PKN2: variants seen among roughly 807,000 people sequenced by gnomAD.
PKN2 encodes serine/threonine-protein kinase N2.
PKN2 carries 38 observed loss-of-function variants against 119.1 expected under a neutral mutation model. The observed-to-expected ratio is 0.32, with a 90% CI of 0.25 to 0.42. The LOEUF is 0.42. PKN2 is among the 10% of genes least tolerant of loss of function. The pLI is 1.00. For synonymous variants in PKN2, 390 were observed against 384.9 expected, an observed-to-expected ratio of 1.01 and a Z score of -0.15; for missense variants, 850 against 1,165.1, an observed-to-expected ratio of 0.73 and a Z score of 3.94.
intron 1 of PKN2, among the ~76,000 whole-genome samples, chr1:88,700,301 C>T (rs1325980118): frequency 6.6e-6 from 1 of 152,020 alleles, no homozygotes; most frequent in East Asian, 1.9e-4. Context: ...ATATTTCTGC[C>T]TCTAGGTCTT....
intron 1 of PKN2, among the ~76,000 whole-genome samples, chr1:88,685,562 A>G (rs938554260): frequency 3.3e-5 from 5 of 152,292 alleles, no homozygotes; most frequent in African/African-American, 4.8e-5. Flanking sequence ...TTAGATCTCT[A>G]TGGTGTACAT....
At chr1:88,794,936 CTA>C (rs1671001714) in intron 8 of PKN2, among the ~76,000 whole-genome samples, 1 of 152,216 alleles carries the variant, frequency 6.6e-6, no homozygotes, top group African/African-American at 2.4e-5. Flanking sequence ...CTTCTCTACT[CTA>C]TATCCTGAAT....
chr1:88,740,477 T>G (rs899944232), intron 1 of PKN2, among the ~76,000 whole-genome samples: 2 of 152,146 alleles, frequency 1.3e-5, no homozygotes, highest in African/African-American at 2.4e-5. Context: ...CTATAGAATT[T>G]AATAATACTT....
At chr1:88,721,121 TTC>T (rs1270988299) in intron 1 of PKN2, among the ~76,000 whole-genome samples, 1 of 152,136 alleles carries the variant, frequency 6.6e-6, no homozygotes, top group Non-Finnish European at 1.5e-5. Context: ...GACTTTTTTT[TTC>T]GTCTGGGTAG....
intron 1 of PKN2, among the ~76,000 whole-genome samples, chr1:88,711,999 A>T (rs1335900276): frequency 6.8e-6 from 1 of 146,808 alleles, no homozygotes; most frequent in Non-Finnish European, 1.5e-5. Flanking sequence ...ATTATTTTTA[A>T]CTTACTTTTT....
chr1:88,720,816 A>G lies in PKN2; in HGVS notation c.49-20172A>G, dbSNP rs1386387947. On this transcript the variant is annotated intron_variant, in intron 1 of 21. Coordinates refer to ENST00000370521, the MANE Select transcript of PKN2 (RefSeq NM_006256.4). ...CTCTGGTGTTCCCAAAGTCCATTGT[A>G]TCATTCTTACGCCTTTGCATCTCAT... Among the ~76,000 whole-genome samples the G allele has an allele frequency of 3.9e-5, 6 of 152,220 alleles. No homozygotes were observed. In the South Asian group the frequency reaches 8.3e-4, roughly 21 times the overall value.
chr1:88,834,079 A>G lies in PKN2; in HGVS notation c.*631A>G, dbSNP rs1455699153. The G allele has an allele frequency of 6.6e-6, 1 of 152,126 alleles. No individual in the cohort carries two copies. Among genetic ancestry groups the G allele is most frequent in the East Asian group, 1.9e-4 (1 of 5,202 alleles). The allele number at this position is 152,126 out of a possible 1,614,324, so 9.4% of individuals were successfully genotyped here. On this transcript the variant is annotated 3_prime_UTR_variant, in exon 22 of 22. Coordinates refer to ENST00000370521, the MANE Select transcript of PKN2 (RefSeq NM_006256.4). ...TATTGCCTTTTTTATCAATCATGTA[A>G]CAGGCTTATAGCTTTCCAACAGAGC...
chr1:88,711,379 T>A (rs2100686065), intron 1 of PKN2, among the ~76,000 whole-genome samples: 1 of 152,290 alleles, frequency 6.6e-6, no homozygotes, highest in South Asian at 2.1e-4. Flanking sequence ...GCGTAATCAG[T>A]CTGGACAGTT....
intron 1 of PKN2, among the ~76,000 whole-genome samples, chr1:88,718,905 CAAAT>C (rs971409222): frequency 1.3e-5 from 2 of 151,990 alleles, no homozygotes; most frequent in African/African-American, 2.4e-5. Flanking sequence ...GACCAGCCAT[CAAAT>C]AAATAAATAA....
At chr1:88,723,412 C>G (rs1484255323) in intron 1 of PKN2, among the ~76,000 whole-genome samples, 1 of 142,934 alleles carries the variant, frequency 7.0e-6, no homozygotes, top group Admixed American at 7.0e-5. Context: ...CGTGCCCTGC[C>G]CCCCCCCCTT....
intron 3 of PKN2, among the ~76,000 whole-genome samples, chr1:88,762,948 T>G (rs763913945): frequency 7.6e-4 from 115 of 152,198 alleles, no homozygotes; most frequent in Non-Finnish European, 1.5e-3. Context: ...CTTAGTGTAT[T>G]TCTTACCTGA....
chr1:88,707,665 C>A (rs6698099), intron 1 of PKN2, among the ~76,000 whole-genome samples: 13,117 of 152,016 alleles, frequency 0.086, 1,269 homozygotes, highest in African/African-American at 0.24. Flanking sequence ...ATATTTTAAT[C>A]TTTTTCCAGT....
intron 2 of PKN2, among the ~76,000 whole-genome samples, chr1:88,755,322 A>G (rs577827495): frequency 1.3e-5 from 2 of 152,342 alleles, no homozygotes; most frequent in South Asian, 2.1e-4. Flanking sequence ...GTAGGAAGGC[A>G]GGTTAAAGAG....
At chr1:88,817,896 G>T (rs1433846161) in intron 16 of PKN2, among the ~76,000 whole-genome samples, 1 of 152,066 alleles carries the variant, frequency 6.6e-6, no homozygotes, top group African/African-American at 2.4e-5. Context: ...GAGAAAGAAA[G>T]AAAGTTTATT....
At chr1:88,719,907 A>G (rs1667600848) in intron 1 of PKN2, among the ~76,000 whole-genome samples, 2 of 152,204 alleles carry the variant, frequency 1.3e-5, no homozygotes. Flanking sequence ...AAATTTAATC[A>G]TTTTAATAAT....
At chr1:88,784,514 C>T (rs1357931658) in intron 6 of PKN2, 125 bp from the exon 7 acceptor site, 8 of 462,496 alleles carry the variant, frequency 1.7e-5, no homozygotes, top group East Asian at 6.9e-5. Flanking sequence ...CTCATAGATC[C>T]TCTGGGAGAA....
At chr1:88,696,215 A>G (rs1196551723) in intron 1 of PKN2, among the ~76,000 whole-genome samples, 2 of 152,206 alleles carry the variant, frequency 1.3e-5, no homozygotes, top group East Asian at 3.8e-4. Context: ...TTTATCCTTC[A>G]GATTAACCAC....
At chr1:88,787,906 T>C (rs745755914) in intron 8 of PKN2, among the ~76,000 whole-genome samples, 15 of 152,236 alleles carry the variant, frequency 9.9e-5, no homozygotes, top group Admixed American at 6.5e-5. Flanking sequence ...TCTGTTTACA[T>C]AGTATATTTT....
chr1:88,775,825 G>A (rs1218914637), intron 6 of PKN2, among the ~76,000 whole-genome samples: 2 of 152,112 alleles, frequency 1.3e-5, no homozygotes, highest in Admixed American at 6.5e-5. Flanking sequence ...TTGGCTTCTG[G>A]CCAGGCGCAG....
Sources: gnomAD v4.1 joint callset for allele counts (sites outside exome capture counted in the v4.1 genomes callset) on GRCh38, gnomAD v4.1.1 for gene constraint, MANE v1.5 for transcripts, NCBI Gene and HGNC (gene_info 2026-07-23, HGNC 2026-07-21) for gene names.